CLVS1: variants seen among roughly 807,000 people sequenced by gnomAD.
The protein encoded by CLVS1 is clavesin-1.
Under a neutral mutation model 33.1 loss-of-function variants are expected in CLVS1, and 10 were observed. The ratio of observed to expected loss-of-function variants is 0.30; its 90% CI spans 0.19 to 0.51. The LOEUF is 0.51. Among genes scored for constraint, CLVS1 ranks in the 20% least tolerant of loss-of-function variants. The pLI is 0.97. For missense variants in CLVS1, 343 were observed against 433.4 expected (o/e 0.79, Z 1.85); for synonymous variants, 163 against 166.1 (o/e 0.98, Z 0.14).
At chr8:61,039,600 C>T in the CLVS1 span, among the ~76,000 whole-genome samples, 10 of 151,922 alleles carry the variant, frequency 6.6e-5, no homozygotes, top group African/African-American at 1.2e-4. Flanking sequence ...TGGAGTGCAG[C>T]GGCGTGATCA....
intron 5 of CLVS1, among the ~76,000 whole-genome samples, chr8:61,491,921 C>T (rs192451037): frequency 1.1e-4 from 17 of 152,220 alleles, no homozygotes; most frequent in Non-Finnish European, 1.6e-4. Flanking sequence ...TAAATAACAA[C>T]AGTGATACTA....
chr8:61,227,900 A>C (rs1808362232), intron 2 of CLVS1, among the ~76,000 whole-genome samples: 1 of 152,230 alleles, frequency 6.6e-6, no homozygotes, highest in African/African-American at 2.4e-5. Context: ...AATTCATTGA[A>C]TAATGGAGCA....
At chr8:61,051,657 A>C in the CLVS1 span, among the ~76,000 whole-genome samples, 1 of 152,252 alleles carries the variant, frequency 6.6e-6, no homozygotes, top group African/African-American at 2.4e-5. Flanking sequence ...AAGGGGCAGC[A>C]GTTTGCCTGC....
intron 3 of CLVS1, among the ~76,000 whole-genome samples, chr8:61,387,312 G>A (rs563902569): frequency 5.2e-4 from 79 of 152,098 alleles, no homozygotes; most frequent in Non-Finnish European, 6.6e-4. Flanking sequence ...GCTTGAACCC[G>A]GGAGATGGTG....
intron 2 of CLVS1, among the ~76,000 whole-genome samples, chr8:61,186,013 CAG>C (rs1313806244): frequency 6.6e-6 from 1 of 152,108 alleles, no homozygotes; most frequent in East Asian, 1.9e-4. Flanking sequence ...GAGATAAGGA[CAG>C]AGTAAGCAAG....
At chr8:61,338,053 G>A (rs1046528227) in intron 2 of CLVS1, among the ~76,000 whole-genome samples, 6 of 152,106 alleles carry the variant, frequency 3.9e-5, no homozygotes, top group African/African-American at 1.4e-4. Context: ...ACCCTGATAT[G>A]GAGCAGTTTC....
At chr8:61,272,322 C>T (rs1188401468) in intron 2 of CLVS1, among the ~76,000 whole-genome samples, 1 of 152,104 alleles carries the variant, frequency 6.6e-6, no homozygotes, top group African/African-American at 2.4e-5. Flanking sequence ...AATATTGGCC[C>T]CCGCTCTCTT....
At chr8:61,480,137 G>C (rs1586035490) in intron 5 of CLVS1, among the ~76,000 whole-genome samples, 1 of 152,362 alleles carries the variant, frequency 6.6e-6, no homozygotes, top group East Asian at 1.9e-4. Context: ...TGAGTCTGCA[G>C]AGGTTATTGC....
chr8:61,413,491 A>G (rs1815313040), intron 3 of CLVS1, among the ~76,000 whole-genome samples: 1 of 152,130 alleles, frequency 6.6e-6, no homozygotes, highest in Admixed American at 6.5e-5. Flanking sequence ...CGCATTAATT[A>G]CAGAAATGAT....
chr8:61,301,630 T>A (rs777999569), intron 2 of CLVS1, among the ~76,000 whole-genome samples: 1 of 152,236 alleles, frequency 6.6e-6, no homozygotes, highest in Non-Finnish European at 1.5e-5. Context: ...ATATTAGTAC[T>A]ATGACCCCTC....
chr8:61,170,062 CAT>C (rs142007689), intron 2 of CLVS1, among the ~76,000 whole-genome samples: 3 of 151,456 alleles, frequency 2.0e-5, no homozygotes, highest in South Asian at 2.1e-4. Flanking sequence ...TTGACATATA[CAT>C]ATATATATAT....
chr8:61,343,185 G>T (rs1209437341), intron 2 of CLVS1, among the ~76,000 whole-genome samples: 3 of 152,182 alleles, frequency 2.0e-5, no homozygotes, highest in Non-Finnish European at 4.4e-5. Flanking sequence ...TCTTCCAATT[G>T]CCCAGCCCTT....
intron 2 of CLVS1, among the ~76,000 whole-genome samples, chr8:61,231,959 A>G (rs961857759): frequency 4.0e-5 from 6 of 149,596 alleles, no homozygotes; most frequent in African/African-American, 1.5e-4. Flanking sequence ...CTGAAGTAAC[A>G]TTGGATGCTT....
intron 3 of CLVS1, among the ~76,000 whole-genome samples, chr8:61,402,675 A>C (rs1188973840): frequency 2.0e-5 from 3 of 152,244 alleles, no homozygotes; most frequent in African/African-American, 7.2e-5. Context: ...ACTGGGCTAG[A>C]TGGTGAGTAT....
In CLVS1 at chr8:61,300,157, C is replaced by T. The variant is rs1417825250; in HGVS notation, c.330C>T (p.Asn110=). The part of the protein sequence containing the change: ...YRQLNLDMFK[N]FKADDPGIKR... ...AGCTAAACCTGGACATGTTCAAAAA[C>T]TTCAAGGCAGATGATCCCGGCATTA... The change falls in exon 2 of 6, where the codon AAC becomes AAT. Residue 110 remains asparagine (N), a synonymous_variant. Transcript: ENST00000325897. 4.3e-6 allele frequency: 7 copies of T among 1,614,028 alleles called. No individual in the cohort carries two copies. Among genetic ancestry groups the T allele is most frequent in the Non-Finnish European group, 5.1e-6 (6 of 1,179,982 alleles).
At chr8:61,481,604 C>A (rs1447882894) in intron 5 of CLVS1, among the ~76,000 whole-genome samples, 1 of 152,226 alleles carries the variant, frequency 6.6e-6, no homozygotes, top group East Asian at 1.9e-4. Flanking sequence ...TCACTGCTAG[C>A]ACAGCAGTCT....
intron 1 of CLVS1, among the ~76,000 whole-genome samples, chr8:61,121,105 C>T (rs549890891): frequency 6.6e-6 from 1 of 151,868 alleles, no homozygotes; most frequent in African/African-American, 2.4e-5. Flanking sequence ...GTGGGAAAAG[C>T]GCAGTATTCG....
Position 61,223,005 on chromosome 8 carries a change from CT to C in CLVS1, c.-151-76663del, listed in dbSNP as rs1163652720. Among the ~76,000 whole-genome samples, 7 of 144,834 alleles carry C rather than the reference CT, an allele frequency of 4.8e-5. No individual in the cohort carries two copies. The East Asian group carries it at 6.1e-4, about 13-fold the overall frequency. ...CTAGGATTGCAAAAAAAAAGACCTG[CT>C]TTTTTTTTCTTTCCATTTCTTTGGT... is the stretch of plus-strand genomic sequence containing the variant. On this transcript the variant is annotated intron_variant, in intron 2 of 2. Transcript: ENST00000522621.
chr8:61,213,805 A>T (rs963663112), intron 2 of CLVS1, among the ~76,000 whole-genome samples: 1 of 152,242 alleles, frequency 6.6e-6, no homozygotes, highest in Non-Finnish European at 1.5e-5. Context: ...GCAATTGTTC[A>T]GGGAATAAGA....
Sources: gnomAD v4.1 joint callset for allele counts (sites outside exome capture counted in the v4.1 genomes callset) on GRCh38, gnomAD v4.1.1 for gene constraint, MANE v1.5 for transcripts, NCBI Gene and HGNC (gene_info 2026-07-23, HGNC 2026-07-21) for gene names.